The following ZC3H12B variants were observed in gnomAD, a reference collection of about 807,000 sequenced individuals.
The protein encoded by ZC3H12B is probable ribonuclease ZC3H12B.
A neutral mutation model predicts 43.9 loss-of-function variants in ZC3H12B; 7 were observed. The observed-to-expected ratio is 0.16, with a 90% CI of 0.09 to 0.30. ZC3H12B has a LOEUF of 0.30. Among genes scored for constraint, ZC3H12B ranks in the 10% least tolerant of loss-of-function variants. The pLI, the probability that ZC3H12B is intolerant of heterozygous loss-of-function variation, is 1.00. For synonymous variants in ZC3H12B, 222 were observed against 241.7 expected, an observed-to-expected ratio of 0.92 and a Z score of 0.76; for missense variants, 475 against 670.2, an observed-to-expected ratio of 0.71 and a Z score of 3.22.
chrX:65,160,095 G>T, the ZC3H12B span, among the ~76,000 whole-genome samples: 2 of 111,820 alleles, frequency 1.8e-5, no homozygotes, highest in African/African-American at 3.3e-5. Context: ...AACCAGCCTT[G>T]CATCCCAGGG....
the ZC3H12B span, among the ~76,000 whole-genome samples, chrX:65,277,029 G>A: frequency 1.8e-5 from 2 of 111,380 alleles, no homozygotes; most frequent in South Asian, 7.4e-4. Flanking sequence ...AATGGAAAAA[G>A]GTACTACATG....
chrX:65,284,490 G>C, the ZC3H12B span, among the ~76,000 whole-genome samples: 1 of 111,660 alleles, frequency 9.0e-6, no homozygotes, highest in African/African-American at 3.3e-5. Flanking sequence ...GGCCGGGCAC[G>C]GTGGCTCATG....
At chrX:65,290,960 T>G in the ZC3H12B span, among the ~76,000 whole-genome samples, 5 of 111,581 alleles carry the variant, frequency 4.5e-5, no homozygotes, top group African/African-American at 1.6e-4. Flanking sequence ...AAGATGACTA[T>G]AAAAATGTAT....
At chrX:65,277,595 AAAC>A in the ZC3H12B span, among the ~76,000 whole-genome samples, 1 of 112,253 alleles carries the variant, frequency 8.9e-6, no homozygotes, top group South Asian at 3.6e-4. Context: ...AATGGCAGTT[AAAC>A]AACATGCTTT....
chrX:65,447,902 A>C (rs1463934430), intron 3 of ZC3H12B, among the ~76,000 whole-genome samples: 1 of 111,662 alleles, frequency 9.0e-6, no homozygotes. Flanking sequence ...CCACACAATG[A>C]GATACCACCT....
chrX:65,437,055 C>A (rs747793842), intron 3 of ZC3H12B, among the ~76,000 whole-genome samples: 7 of 110,653 alleles, frequency 6.3e-5, no homozygotes, highest in African/African-American at 2.3e-4. Context: ...TGGGTTCAAG[C>A]AATTCACCTG....
the ZC3H12B span, among the ~76,000 whole-genome samples, chrX:65,179,263 TG>T: frequency 2.0e-5 from 2 of 100,669 alleles, no homozygotes; most frequent in South Asian, 4.4e-4. Flanking sequence ...GTCGGGGTGT[TG>T]GGGGTAAGGG....
At chrX:65,404,223 C>T (rs1349265211) in intron 3 of ZC3H12B, among the ~76,000 whole-genome samples, 1 of 110,090 alleles carries the variant, frequency 9.1e-6, no homozygotes, top group African/African-American at 3.3e-5. Context: ...AAACAAACAA[C>T]AAAAAAAATT....
the ZC3H12B span, chrX:65,356,991 G>A: frequency 2.0e-6 from 1 of 500,734 alleles, no homozygotes; most frequent in African/African-American, 2.3e-5. Flanking sequence ...TCCTCTCATG[G>A]TGTATAAAAT....
chrX:65,374,092 T>C (rs1343747200), intron 2 of ZC3H12B, among the ~76,000 whole-genome samples: 1 of 57,335 alleles, frequency 1.7e-5, no homozygotes, highest in Non-Finnish European at 2.4e-5. Flanking sequence ...ATATAGTATA[T>C]ATATAACTAT....
At chrX:65,288,501 G>A in the ZC3H12B span, among the ~76,000 whole-genome samples, 1 of 112,361 alleles carries the variant, frequency 8.9e-6, no homozygotes, top group African/African-American at 3.2e-5. Context: ...ATGGTTTAAC[G>A]TGTATAAAAG....
chrX:65,115,783 A>G, the ZC3H12B span, among the ~76,000 whole-genome samples: 1 of 111,422 alleles, frequency 9.0e-6, no homozygotes, highest in Non-Finnish European at 1.9e-5. Context: ...TGTGATTTCG[A>G]TTTGCATCTC....
chrX:65,308,112 C>T, the ZC3H12B span, among the ~76,000 whole-genome samples: 2 of 110,801 alleles, frequency 1.8e-5, no homozygotes, highest in East Asian at 5.7e-4. Flanking sequence ...GGAACATTCT[C>T]GAAGATAGAC....
the ZC3H12B span, among the ~76,000 whole-genome samples, chrX:65,314,187 T>C: frequency 9.0e-6 from 1 of 110,949 alleles, no homozygotes; most frequent in Non-Finnish European, 1.9e-5. Flanking sequence ...TCACAAGGTC[T>C]AATGTTGGTA....
the ZC3H12B span, among the ~76,000 whole-genome samples, chrX:65,284,159 A>C: frequency 9.2e-6 from 1 of 108,881 alleles, no homozygotes; most frequent in Non-Finnish European, 1.9e-5. Context: ...ATTCATTTTC[A>C]TGATAGTCCT....
intron 2 of ZC3H12B, among the ~76,000 whole-genome samples, chrX:65,376,107 T>G (rs749288653): frequency 9.1e-4 from 102 of 111,848 alleles, no homozygotes; most frequent in Non-Finnish European, 1.6e-3. Context: ...ATTCACCACA[T>G]GCTAAAGATC....
chrX:65,471,075 G>GT (rs1214782321), intron 3 of ZC3H12B, among the ~76,000 whole-genome samples: 3 of 111,402 alleles, frequency 2.7e-5, no homozygotes, highest in African/African-American at 6.5e-5. Flanking sequence ...AAAGTCCAGT[G>GT]TTTTTTTATT....
At chrX:65,360,696 T>G in the ZC3H12B span, among the ~76,000 whole-genome samples, 1 of 112,520 alleles carries the variant, frequency 8.9e-6, no homozygotes, top group Non-Finnish European at 1.9e-5. Context: ...TTCTTAGATA[T>G]TTAATCAAGG....
At chrX:65,422,925 CTTTTTTTT>C (rs34567013) in intron 3 of ZC3H12B, among the ~76,000 whole-genome samples, 1 of 46,177 alleles carries the variant, frequency 2.2e-5, no homozygotes, top group Non-Finnish European at 3.6e-5. Flanking sequence ...TCTTTCTTTG[CTTTTTTTT>C]TTTTTTTTTT....
Sources: allele counts gnomAD v4.1 joint callset (sites outside exome capture counted in the v4.1 genomes callset), GRCh38; gene constraint gnomAD v4.1.1; transcripts MANE v1.5; gene names NCBI Gene and HGNC (gene_info 2026-07-23, HGNC 2026-07-21).